The following LHFPL3 variants were observed in gnomAD, a reference collection of about 807,000 sequenced individuals.
LHFPL3 encodes the protein LHFPL tetraspan subfamily member 3.
LHFPL3 carries 5 observed loss-of-function variants against 19.3 expected under a neutral mutation model. That is an observed-to-expected ratio of 0.26 (90% CI 0.14 to 0.54). The LOEUF is 0.54. Among genes scored for constraint, LHFPL3 ranks in the 20% least tolerant of loss-of-function variants. LHFPL3 has a pLI of 0.94. For missense variants in LHFPL3, 249 were observed against 307.4 expected (o/e 0.81, Z 1.42); for synonymous variants, 133 against 126.2 (o/e 1.05, Z -0.36).
At chr7:104,332,547 T>A (rs1801590109) in intron 1 of LHFPL3, among the ~76,000 whole-genome samples, 1 of 152,148 alleles carries the variant, frequency 6.6e-6, no homozygotes, top group Non-Finnish European at 1.5e-5. Context: ...CTATTTCAAG[T>A]GATACATTAA....
Position 104,778,504 on chromosome 7 carries a change from A to G in LHFPL3, c.682+41593A>G, listed in dbSNP as rs77967300. ...GGAAGGAATGATTATCTTGGTTCCC[A>G]AGTGGAATTAAAACCCTTCACTCTG... On this transcript the variant is annotated intron_variant, in intron 2 of 2. Transcript: ENST00000424859. Among the ~76,000 whole-genome samples, 2,989 of 152,294 alleles carry G rather than the reference A, an allele frequency of 0.02. 242 individuals carry two copies. In the East Asian group the frequency reaches 0.26, roughly 13 times the overall value.
At chr7:104,856,858 T>C (rs1791515498) in intron 2 of LHFPL3, among the ~76,000 whole-genome samples, 1 of 152,206 alleles carries the variant, frequency 6.6e-6, no homozygotes, top group Non-Finnish European at 1.5e-5. Flanking sequence ...GTACATTAAC[T>C]GATCTTCAGA....
At chr7:104,833,279 T>C (rs1791019069) in intron 2 of LHFPL3, among the ~76,000 whole-genome samples, 1 of 60,006 alleles carries the variant, frequency 1.7e-5, no homozygotes, top group Non-Finnish European at 2.8e-5. Context: ...ATATATATAA[T>C]AGGATATATA....
rs1325323333 is a variant in LHFPL3 at position 104,906,645 on chromosome 7, C to A, written c.*430C>A. ...AGAATTTTTAAAAAGGCAGTTAGTT[C>A]TAAATTATTCCTATCTCAATAGCCA... is the stretch of plus-strand genomic sequence containing the variant. On this transcript the variant is annotated 3_prime_UTR_variant, in exon 3 of 3. Coordinates refer to ENST00000424859, the MANE Select transcript of LHFPL3 (RefSeq NM_199000.3). 6.3e-6 allele frequency: 1 copy of A among 159,364 alleles called. No homozygotes were observed. The highest frequency in any genetic ancestry group is 1.4e-5 in the Non-Finnish European group (1 of 72,816). The allele number at this position is 159,364 out of a possible 1,614,324, so 9.9% of individuals were successfully genotyped here. A position where few individuals can be genotyped will look rare whatever the true frequency, so the allele number is the denominator to read the frequency against.
At chr7:104,746,759 G>T (rs746937289) in intron 2 of LHFPL3, among the ~76,000 whole-genome samples, 8 of 152,154 alleles carry the variant, frequency 5.3e-5, no homozygotes, top group African/African-American at 1.9e-4. Flanking sequence ...AAAATAAAAA[G>T]AGATAATGCA....
chr7:104,519,103 A>G (rs1018680217), intron 1 of LHFPL3, among the ~76,000 whole-genome samples: 22 of 152,142 alleles, frequency 1.4e-4, no homozygotes, highest in African/African-American at 5.3e-4. Flanking sequence ...TCAATCTGAC[A>G]TACTAAAGCT....
At chr7:104,563,107 A>G (rs1386585293) in intron 1 of LHFPL3, among the ~76,000 whole-genome samples, 100 of 151,936 alleles carry the variant, frequency 6.6e-4, no homozygotes, top group African/African-American at 2.4e-3. Context: ...GGGACATTTA[A>G]GTCTGCAGAG....
At chr7:104,541,645 T>C (rs570358325) in intron 1 of LHFPL3, among the ~76,000 whole-genome samples, 2 of 152,326 alleles carry the variant, frequency 1.3e-5, no homozygotes, top group East Asian at 3.9e-4. Flanking sequence ...CTGGAAAGGA[T>C]TCTTAAGTGA....
intron 1 of LHFPL3, among the ~76,000 whole-genome samples, chr7:104,660,240 G>A (rs1163337277): frequency 6.6e-6 from 1 of 152,060 alleles, no homozygotes; most frequent in Non-Finnish European, 1.5e-5. Flanking sequence ...TGACCTCATG[G>A]TCCACCCGCC....
chr7:104,853,243 G>T (rs1791444230), intron 2 of LHFPL3, among the ~76,000 whole-genome samples: 1 of 152,210 alleles, frequency 6.6e-6, no homozygotes, highest in African/African-American at 2.4e-5. Flanking sequence ...CAGTGAGAAG[G>T]GGAGGTTCCT....
At chr7:104,714,410 G>C (rs1343268562) in intron 1 of LHFPL3, among the ~76,000 whole-genome samples, 1 of 151,452 alleles carries the variant, frequency 6.6e-6, no homozygotes, top group Admixed American at 6.6e-5. Flanking sequence ...TCAAAGAGTA[G>C]CAAAAAATGT....
At chr7:104,705,688 G>T (rs976513162) in intron 1 of LHFPL3, among the ~76,000 whole-genome samples, 4 of 152,134 alleles carry the variant, frequency 2.6e-5, no homozygotes, top group Non-Finnish European at 5.9e-5. Flanking sequence ...CCCAGGCCAT[G>T]AGGTTGAGCA....
chr7:104,905,821 A>G (rs74803141), intron 2 of LHFPL3, among the ~76,000 whole-genome samples: 4,763 of 152,340 alleles, frequency 0.031, 241 homozygotes, highest in African/African-American at 0.11. Context: ...GAGTTCAAAT[A>G]AATAAAACTT....
intron 2 of LHFPL3, among the ~76,000 whole-genome samples, chr7:104,805,344 G>T (rs953750654): frequency 2.6e-5 from 4 of 152,160 alleles, no homozygotes; most frequent in African/African-American, 9.7e-5. Flanking sequence ...CAAGCATTTT[G>T]GACCCCAAAA....
chr7:104,726,315 C>G (rs78279420), intron 1 of LHFPL3, among the ~76,000 whole-genome samples: 7 of 146,360 alleles, frequency 4.8e-5, no homozygotes, highest in Non-Finnish European at 9.0e-5. Context: ...GCTATGTATA[C>G]GATGATGGAC....
intron 1 of LHFPL3, among the ~76,000 whole-genome samples, chr7:104,381,592 A>C (rs2116452335): frequency 6.6e-6 from 1 of 150,420 alleles, no homozygotes; most frequent in South Asian, 2.1e-4. Context: ...CAGTTATTAA[A>C]TGTTTACTAT....
At chr7:104,627,287 T>C (rs1791562968) in intron 1 of LHFPL3, among the ~76,000 whole-genome samples, 1 of 152,206 alleles carries the variant, frequency 6.6e-6, no homozygotes, top group South Asian at 2.1e-4. Flanking sequence ...ATTCATGTTG[T>C]TGCAAAAGGC....
At chr7:104,874,410 G>T (rs1387677966) in intron 2 of LHFPL3, among the ~76,000 whole-genome samples, 2 of 147,470 alleles carry the variant, frequency 1.4e-5, no homozygotes, top group African/African-American at 5.0e-5. Flanking sequence ...TTTTTTTGGG[G>T]GGGGGACAGA....
In LHFPL3 at chr7:104,655,710, T is replaced by C. The variant is rs115380232; in HGVS notation, c.446-80965T>C. The stretch of plus-strand genomic sequence containing the variant: ...TTTCTTGCAGTGGGATTTTAACTTA[T>C]GCTGCATTATATGTCTCCTACCTCT... On this transcript the variant is annotated intron_variant, in intron 1 of 2. Coordinates refer to ENST00000424859, the MANE Select transcript of LHFPL3 (RefSeq NM_199000.3). Among the ~76,000 whole-genome samples, 475 of 152,350 alleles carry C rather than the reference T, an allele frequency of 3.1e-3. 2 individuals are homozygous for C. The highest frequency in any genetic ancestry group is 0.01 in the African/African-American group (425 of 41,584).
Sources: gnomAD v4.1 joint callset for allele counts (sites outside exome capture counted in the v4.1 genomes callset) on GRCh38, gnomAD v4.1.1 for gene constraint, MANE v1.5 for transcripts, NCBI Gene and HGNC (gene_info 2026-07-23, HGNC 2026-07-21) for gene names.